MAGI3: variants seen among roughly 807,000 people sequenced by gnomAD.
MAGI3 encodes the protein membrane-associated guanylate kinase, WW and PDZ domain-containing protein 3.
MAGI3 carries 43 observed loss-of-function variants against 121.8 expected under a neutral mutation model. The ratio of observed to expected loss-of-function variants is 0.35; its 90% CI spans 0.28 to 0.46. MAGI3 has a LOEUF of 0.46. MAGI3 is among the 20% of genes least tolerant of loss of function. The probability of loss-of-function intolerance (pLI) is 1.00; values close to 1 mark genes in which losing one functional copy is unlikely to be tolerated. For synonymous variants in MAGI3, 553 were observed against 639.3 expected, an observed-to-expected ratio of 0.86 and a Z score of 2.04; for missense variants, 1,547 against 1,797.3, an observed-to-expected ratio of 0.86 and a Z score of 2.52.
intron 1 of MAGI3, among the ~76,000 whole-genome samples, chr1:113,409,264 A>C (rs1159826232): frequency 6.6e-6 from 1 of 152,058 alleles, no homozygotes; most frequent in Non-Finnish European, 1.5e-5. Flanking sequence ...AAGAATTAGA[A>C]AAGTATAAAG....
At chr1:113,633,849 C>T (rs1651825243) in intron 9 of MAGI3, among the ~76,000 whole-genome samples, 1 of 152,190 alleles carries the variant, frequency 6.6e-6, no homozygotes, top group South Asian at 2.1e-4. Flanking sequence ...TACAGTCCCA[C>T]CAATGGTGTA....
At chr1:113,565,852 C>T (rs1425420266) in intron 2 of MAGI3, among the ~76,000 whole-genome samples, 1 of 152,198 alleles carries the variant, frequency 6.6e-6, no homozygotes, top group African/African-American at 2.4e-5. Flanking sequence ...CTACTACTCT[C>T]CCACATGCTT....
In MAGI3 at chr1:113,683,716, A is replaced by G. The variant is rs780563043; in HGVS notation, c.4148A>G (p.Glu1383Gly). 7.1e-5 allele frequency: 113 copies of G among 1,598,300 alleles called. No homozygotes were observed. The Admixed American group carries it at 2.0e-3, about 28-fold the overall frequency. The stretch of plus-strand genomic sequence containing the variant: ...ACAAGTAAAGAAGTATCTGAAAATG[A>G]AAAAGGAAAGAAAGTAACCACAGGA... ...KTTSKEVSEN[E>G]KGKKVTTGET... The change falls in exon 21 of 21, where the codon GAA becomes GGA. Residue 1383 changes from glutamate (E) to glycine (G), a missense_variant. Physicochemically the swap from Glu to Gly is moderately conservative, Grantham distance 98. Coordinates refer to ENST00000307546, the MANE Select transcript of MAGI3 (RefSeq NM_001142782.2).
chr1:113,634,813 T>C (rs568759125), intron 9 of MAGI3, among the ~76,000 whole-genome samples: 2 of 152,316 alleles, frequency 1.3e-5, no homozygotes, highest in East Asian at 3.9e-4. Context: ...AATCTATAAA[T>C]TACCTTGGTC....
chr1:113,418,678 A>C (rs1484418465), intron 1 of MAGI3, among the ~76,000 whole-genome samples: 2 of 152,092 alleles, frequency 1.3e-5, no homozygotes, highest in Non-Finnish European at 1.5e-5. Context: ...ATGTGCTTGA[A>C]TCTCCTGCTG....
At chr1:113,455,886 C>T (rs1343279137) in intron 1 of MAGI3, among the ~76,000 whole-genome samples, 1 of 151,984 alleles carries the variant, frequency 6.6e-6, no homozygotes, top group Non-Finnish European at 1.5e-5. Context: ...GAGAGAGGTA[C>T]TCAGTATTTT....
chr1:113,585,828 A>C lies in MAGI3; in HGVS notation c.763+232A>C, dbSNP rs115526950. Among the ~76,000 whole-genome samples, 1,509 of 152,274 alleles carry C rather than the reference A, an allele frequency of 9.9e-3. 32 individuals carry two copies. The highest frequency in any genetic ancestry group is 0.034 in the African/African-American group (1,405 of 41,552). On this transcript the variant is annotated intron_variant, in intron 4 of 20. Coordinates refer to ENST00000307546, the MANE Select transcript of MAGI3 (RefSeq NM_001142782.2). ...AATGATAAACTATCATTAGTAATAA[A>C]ATATATGCCATTACCCTGCTGTTTA...
intron 1 of MAGI3, among the ~76,000 whole-genome samples, chr1:113,496,179 A>C (rs989893889): frequency 1.3e-5 from 2 of 152,100 alleles, no homozygotes; most frequent in Non-Finnish European, 2.9e-5. Context: ...TTTCAACTTC[A>C]TTGTTGAAAA....
intron 1 of MAGI3, among the ~76,000 whole-genome samples, chr1:113,537,281 C>A (rs183470296): frequency 1.3e-5 from 2 of 152,282 alleles, no homozygotes; most frequent in Non-Finnish European, 2.9e-5. Context: ...TTTTTGCTTT[C>A]CCTGTTGGGA....
chr1:113,414,871 T>C (rs928511515), intron 1 of MAGI3, among the ~76,000 whole-genome samples: 1 of 152,062 alleles, frequency 6.6e-6, no homozygotes, highest in African/African-American at 2.4e-5. Flanking sequence ...CTAAAGCAGA[T>C]TTAAATAAAT....
rs1652794423 is a variant in MAGI3 at position 113,422,784 on chromosome 1, A to G, written c.316+31435A>G. On this transcript the variant is annotated intron_variant, in intron 1 of 20. Coordinates refer to ENST00000307546, the MANE Select transcript of MAGI3 (RefSeq NM_001142782.2). The surrounding 1 kb of genome is among the most constrained non-coding windows in gnomAD (Gnocchi z 4.3). ...GTGGGGGAGGCATGTTTCGGGGGGC[A>G]TGTTTTGGCCCAATTGTGTTATAGC... Among the ~76,000 whole-genome samples the G allele has an allele frequency of 6.6e-6, 1 of 152,124 alleles. No individual in the cohort carries two copies. Among genetic ancestry groups the G allele is most frequent in the South Asian group, 2.1e-4 (1 of 4,826 alleles).
At chr1:113,522,822 A>G (rs559807799) in intron 1 of MAGI3, among the ~76,000 whole-genome samples, 2 of 152,332 alleles carry the variant, frequency 1.3e-5, no homozygotes, top group African/African-American at 4.8e-5. Context: ...GGTAAACTGC[A>G]TATATTATGA....
chr1:113,643,694 C>G, intron 10 of MAGI3, 49 bp from the exon 11 acceptor site: 1 of 1,577,920 alleles, frequency 6.3e-7, no homozygotes, highest in Non-Finnish European at 8.7e-7. Flanking sequence ...TATTTGTGAT[C>G]TGGGAATGCA....
chr1:113,574,914 T>A (rs1483519408), intron 2 of MAGI3, among the ~76,000 whole-genome samples: 2 of 152,194 alleles, frequency 1.3e-5, no homozygotes, highest in African/African-American at 4.8e-5. Context: ...TAATTTTGTC[T>A]TTATGCTTTA....
rs567916679 is a variant in MAGI3 at position 113,642,720 on chromosome 1, G to T, written c.1966+204G>T. Reference sequence around the variant, plus strand: ...AAAAATTATTAGTGATTTCATTCATGTCCATTATGGATTTATTTCCCTCTG... The same window carrying T: ...AAAAATTATTAGTGATTTCATTCATTTCCATTATGGATTTATTTCCCTCTG... On this transcript the variant is annotated intron_variant, in intron 10 of 20. Transcript: ENST00000307546. 3.9e-5 allele frequency among the ~76,000 whole-genome samples: 6 copies of T among 152,264 alleles called. No homozygotes were observed. In the South Asian group the frequency reaches 1.2e-3, roughly 32 times the overall value.
At chr1:113,554,421 T>C (rs1393533775) in intron 2 of MAGI3, among the ~76,000 whole-genome samples, 1 of 150,362 alleles carries the variant, frequency 6.7e-6, no homozygotes, top group Non-Finnish European at 1.5e-5. Flanking sequence ...AACTGAAGCA[T>C]AGAGAAGAAA....
intron 2 of MAGI3, among the ~76,000 whole-genome samples, chr1:113,572,422 A>G (rs888962260): frequency 5.9e-5 from 9 of 152,138 alleles, no homozygotes; most frequent in Admixed American, 3.9e-4. Flanking sequence ...TGAGTTAGGG[A>G]GGAGTCCCTC....
chr1:113,642,436 A>G lies in MAGI3; in HGVS notation c.1886A>G (p.Asn629Ser), dbSNP rs2101824671. 6.2e-7 allele frequency: 1 copy of G among 1,614,202 alleles called. No homozygotes were observed. Among genetic ancestry groups the G allele is most frequent in the Non-Finnish European group, 8.5e-7 (1 of 1,180,036 alleles). ...GAAATATACCATCAAAATGTGCAGA[A>G]TTTAACACATCTCCAAGTGGTAGAG... ...IKEIYHQNVQNLTHLQVVEVL... is the reference protein window; with the variant it reads ...IKEIYHQNVQSLTHLQVVEVL... Residue 629 changes from asparagine to serine, a missense_variant, in exon 10 of 21, where the codon AAT becomes AGT. Asn to Ser is a conservative substitution (Grantham distance 46). Coordinates refer to ENST00000307546, the MANE Select transcript of MAGI3 (RefSeq NM_001142782.2).
intron 15 of MAGI3, among the ~76,000 whole-genome samples, chr1:113,655,264 T>C (rs1036476380): frequency 3.3e-5 from 5 of 152,142 alleles, no homozygotes; most frequent in Non-Finnish European, 5.9e-5. Flanking sequence ...TAACATACAA[T>C]AACACCAGGC....
Sources: allele counts gnomAD v4.1 joint callset (sites outside exome capture counted in the v4.1 genomes callset), GRCh38; gene constraint gnomAD v4.1.1; non-coding constraint Gnocchi (gnomAD v3.1); transcripts MANE v1.5; gene names NCBI Gene and HGNC (gene_info 2026-07-23, HGNC 2026-07-21).